The following RSPH14 variants were observed in gnomAD, a reference collection of about 807,000 sequenced individuals.
The protein encoded by RSPH14 is rhabdoid tumor deletion region gene 1.
Under a neutral mutation model 26.7 loss-of-function variants are expected in RSPH14, and 20 were observed. The ratio of observed to expected loss-of-function variants is 0.75; its 90% CI spans 0.53 to 1.09. RSPH14 has a LOEUF of 1.09. Ranked by LOEUF, RSPH14 falls within the 50% of genes least tolerant of loss-of-function variation. RSPH14 has a pLI of 0.00. For missense variants in RSPH14, 449 were observed against 457.2 expected (o/e 0.98, Z 0.16); for synonymous variants, 177 against 189.3 (o/e 0.93, Z 0.53).
At chr22:23,169,494 C>T in the RSPH14 span, among the ~76,000 whole-genome samples, 1 of 152,202 alleles carries the variant, frequency 6.6e-6, no homozygotes, top group Non-Finnish European at 1.5e-5. Context: ...AATTCGGGCT[C>T]AGGCAGATCT....
chr22:23,167,692 C>A, the RSPH14 span, among the ~76,000 whole-genome samples: 1 of 151,736 alleles, frequency 6.6e-6, no homozygotes, highest in African/African-American at 2.4e-5. Context: ...CATTCATTAA[C>A]TCTTTTTTTA....
the RSPH14 span, chr22:23,162,707 C>T: frequency 2.2e-6 from 1 of 456,306 alleles, no homozygotes; most frequent in Admixed American, 2.3e-5. Context: ...CTCATCCCAC[C>T]CGTCTCGTGC....
chr22:23,152,938 AC>A, the RSPH14 span: 3 of 874,038 alleles, frequency 3.4e-6, no homozygotes, highest in African/African-American at 5.0e-5. Context: ...TGGGAAGTGG[AC>A]CTTATTTGCC....
chr22:23,139,281 T>G (rs928753068), intron 2 of RSPH14, among the ~76,000 whole-genome samples: 1 of 152,268 alleles, frequency 6.6e-6, no homozygotes, highest in Non-Finnish European at 1.5e-5. Context: ...ACTAGTCATA[T>G]GACTTTGAGT....
the RSPH14 span, among the ~76,000 whole-genome samples, chr22:23,154,709 G>A: frequency 2.0e-3 from 307 of 152,292 alleles, no homozygotes; most frequent in Middle Eastern, 3.4e-3. Context: ...CTCCCTACGG[G>A]CTCATCTCTA....
intron 4 of RSPH14, among the ~76,000 whole-genome samples, chr22:23,093,186 A>G (rs1555928676): frequency 6.6e-6 from 1 of 152,214 alleles, no homozygotes; most frequent in Non-Finnish European, 1.5e-5. Context: ...CAAGGCTTCC[A>G]TTCTCAGATG....
chr22:23,123,806 G>A (rs1485984663), intron 4 of RSPH14: 3 of 252,024 alleles, frequency 1.2e-5, no homozygotes, highest in South Asian at 5.8e-5. Flanking sequence ...GGGATAGGCA[G>A]CAGGGCTGAG....
chr22:23,070,364 G>GGCGGGCC (rs1569156751), intron 4 of RSPH14: 1 of 142,890 alleles, frequency 7.0e-6, no homozygotes, highest in Non-Finnish European at 1.6e-5. Flanking sequence ...GGCGGCGGGC[G>GGCGGGCC]GCGGGCGGCG....
At position 23,071,851 on chromosome 22, in the gene RSPH14, GA is replaced by G. The variant is rs2068387147; in HGVS notation, c.422-7719del. On this transcript the variant is annotated intron_variant, in intron 4 of 6. Transcript: ENST00000216036. The surrounding 1 kb of genome is among the most constrained non-coding windows in gnomAD (Gnocchi z 4.1). ...GTGGGCAGAGAGGAGAGAATAGACC[GA>G]GGCACTTGGGCAGTTAGGTCTGATG... Among the ~76,000 whole-genome samples, 1 of 152,196 alleles carries G rather than the reference GA, an allele frequency of 6.6e-6. No individual in the cohort carries two copies. The highest frequency in any genetic ancestry group is 1.5e-5 in the Non-Finnish European group (1 of 68,030).
intron 4 of RSPH14, among the ~76,000 whole-genome samples, chr22:23,091,562 G>A (rs1027146668): frequency 4.1e-5 from 6 of 147,916 alleles, no homozygotes; most frequent in Non-Finnish European, 3.0e-5. Flanking sequence ...ATGCATACAT[G>A]CACACGCACC....
chr22:23,061,788 C>T (rs528801226), intron 6 of RSPH14, 21 bp downstream of exon 6: 15 of 1,613,112 alleles, frequency 9.3e-6, no homozygotes, highest in African/African-American at 2.7e-5. Flanking sequence ...TCCCTCCCTG[C>T]GGCACCCCCC....
At chr22:23,133,629 G>C (rs1445046478) in intron 4 of RSPH14, among the ~76,000 whole-genome samples, 2 of 151,546 alleles carry the variant, frequency 1.3e-5, no homozygotes, top group Non-Finnish European at 2.9e-5. Flanking sequence ...TCGCACTGTC[G>C]CCCGGGCTAG....
At chr22:23,159,684 C>T in the RSPH14 span, among the ~76,000 whole-genome samples, 1 of 152,238 alleles carries the variant, frequency 6.6e-6, no homozygotes, top group South Asian at 2.1e-4. Context: ...ACTATCCTGC[C>T]TCTGGCCCTG....
intron 4 of RSPH14, among the ~76,000 whole-genome samples, chr22:23,080,550 G>A (rs1443448054): frequency 6.6e-6 from 1 of 152,216 alleles, no homozygotes; most frequent in Admixed American, 6.5e-5. Context: ...AAGAAAGGAG[G>A]ACCTGTTTCT....
At chr22:23,102,833 A>C (rs925594670) in intron 4 of RSPH14, among the ~76,000 whole-genome samples, 55 of 152,206 alleles carry the variant, frequency 3.6e-4, no homozygotes, top group Non-Finnish European at 1.6e-4. Flanking sequence ...TGACGTTGTC[A>C]GGTGCCTTGG....
intron 4 of RSPH14, among the ~76,000 whole-genome samples, chr22:23,116,792 G>A (rs2069850493): frequency 6.6e-6 from 1 of 152,154 alleles, no homozygotes; most frequent in Non-Finnish European, 1.5e-5. Context: ...GAAGGAGTGG[G>A]GTGTGGGGAG....
At chr22:23,161,234 G>C in the RSPH14 span, among the ~76,000 whole-genome samples, 1 of 152,066 alleles carries the variant, frequency 6.6e-6, no homozygotes, top group African/African-American at 2.4e-5. Flanking sequence ...GGACCTCATG[G>C]GCATCCATGA....
At chr22:23,136,017 T>G (rs2070474467) in intron 3 of RSPH14, 1 of 250,254 alleles carries the variant, frequency 4.0e-6, no homozygotes, top group South Asian at 1.7e-4. Flanking sequence ...TTATTTATTT[T>G]CACTTATGGT....
upstream of RSPH14, among the ~76,000 whole-genome samples, chr22:23,143,334 G>A (rs5759601): frequency 0.45 from 46,834 of 103,240 alleles, 7,925 homozygotes; most frequent in African/African-American, 0.57. Context: ...TAAATAAATA[G>A]ATATAATTTT....
Sources: gnomAD v4.1 joint callset for allele counts (sites outside exome capture counted in the v4.1 genomes callset) on GRCh38, gnomAD v4.1.1 for gene constraint, Gnocchi (gnomAD v3.1) non-coding constraint, MANE v1.5 for transcripts, NCBI Gene and HGNC (gene_info 2026-07-23, HGNC 2026-07-21) for gene names.